The following TNFRSF11B variants were observed in gnomAD, a reference collection of about 807,000 sequenced individuals.
The protein encoded by TNFRSF11B is tumor necrosis factor receptor superfamily member 11B.
TNFRSF11B carries 16 observed loss-of-function variants against 43.4 expected under a neutral mutation model. The observed-to-expected ratio is 0.37, with a 90% CI of 0.25 to 0.56. TNFRSF11B has a LOEUF of 0.56. Ranked by LOEUF, TNFRSF11B falls within the 20% of genes least tolerant of loss-of-function variation. The probability of loss-of-function intolerance (pLI) is 0.80; values close to 1 mark genes in which losing one functional copy is unlikely to be tolerated. For synonymous variants in TNFRSF11B, 185 were observed against 181.8 expected (o/e 1.02, Z -0.14); for missense variants, 444 against 490.1 (o/e 0.91, Z 0.89).
chr8:118,945,437 A>G (rs967520551), intron 1 of TNFRSF11B, among the ~76,000 whole-genome samples: 1 of 152,200 alleles, frequency 6.6e-6, no homozygotes, highest in African/African-American at 2.4e-5. Flanking sequence ...GAACTTTGGA[A>G]CCTGGCTTTT....
Position 118,924,623 on chromosome 8 carries a change from G to T in TNFRSF11B, c.957C>A (p.Cys319Ter), listed in dbSNP as rs140297643. 6.2e-7 allele frequency: 1 copy of T among 1,614,008 alleles called. No individual in the cohort carries two copies. Among genetic ancestry groups the T allele is most frequent in the African/African-American group, 1.3e-5 (1 of 74,890 alleles). ...AEDIEKTIKA[C>*]KPSDQILKLL... Reference sequence around the variant, plus strand: ...GCTTCAGGATCTGGTCACTGGGTTTGCATGCCTTTATTGTTTTTTCAATGT... The same window carrying T: ...GCTTCAGGATCTGGTCACTGGGTTTTCATGCCTTTATTGTTTTTTCAATGT... Residue 319 changes from cysteine (C) to a stop codon, truncating the protein, a stop_gained, in exon 5 of 5, where the codon TGC (cysteine) becomes TGA (stop). Transcript: ENST00000297350. LOFTEE classifies it high-confidence loss of function.
At chr8:118,936,042 T>C (rs1344677608) in intron 1 of TNFRSF11B, among the ~76,000 whole-genome samples, 2 of 152,224 alleles carry the variant, frequency 1.3e-5, no homozygotes, top group Non-Finnish European at 2.9e-5. Flanking sequence ...AGAAGCCGTA[T>C]AAATACAGAT....
rs772004669 is a variant in TNFRSF11B at position 118,924,671 on chromosome 8, C to T, written c.909G>A (p.Pro303=). Residue 303 remains proline, a synonymous_variant, in exon 5 of 5, where the codon CCG becomes CCA. Transcript: ENST00000297350. The stretch of plus-strand genomic sequence containing the variant: ...TGTCTTCTGCTCCCACTTTCTTTCC[C>T]GGTAAGCTTTCCATCAAGCTACGAA... ...EQLRSLMESL[P]GKKVGAEDIE... is the part of the protein sequence containing the mutation. 38 of 1,614,002 alleles carry T rather than the reference C, an allele frequency of 2.4e-5. No individual in the cohort carries two copies. In the East Asian group the frequency reaches 7.8e-4, roughly 33 times the overall value.
chr8:118,931,745 T>A (rs1404842410), intron 2 of TNFRSF11B, among the ~76,000 whole-genome samples: 2 of 152,258 alleles, frequency 1.3e-5, no homozygotes, highest in Non-Finnish European at 2.9e-5. Context: ...GATTTTTGAA[T>A]GTTTCATTTG....
At chr8:118,933,721 T>C (rs1174407669) in intron 1 of TNFRSF11B, among the ~76,000 whole-genome samples, 1 of 152,186 alleles carries the variant, frequency 6.6e-6, no homozygotes, top group Non-Finnish European at 1.5e-5. Context: ...TTCATATCCT[T>C]AAGTATTCTT....
intron 2 of TNFRSF11B, 31 bp from the exon 3 acceptor site, chr8:118,928,960 T>G: frequency 6.2e-7 from 1 of 1,606,948 alleles, no homozygotes; most frequent in South Asian, 1.1e-5. Context: ...TTTAGTACCT[T>G]CTCCTCAAAT....
intron 2 of TNFRSF11B, among the ~76,000 whole-genome samples, chr8:118,932,661 TAA>T (rs5894464): frequency 1.2e-4 from 18 of 144,770 alleles, no homozygotes; most frequent in South Asian, 2.2e-4. Flanking sequence ...TTTGTTTCTT[TAA>T]AAAAAAAAAA....
At chr8:118,948,090 G>A (rs954631382) in intron 1 of TNFRSF11B, among the ~76,000 whole-genome samples, 1 of 152,160 alleles carries the variant, frequency 6.6e-6, no homozygotes, top group Non-Finnish European at 1.5e-5. Context: ...TATTGTAAAA[G>A]TGCATGAAAG....
chr8:118,928,707 C>T (rs773626964), intron 3 of TNFRSF11B, 31 bp downstream of exon 3: 31 of 1,607,506 alleles, frequency 1.9e-5, no homozygotes, highest in African/African-American at 1.5e-4. Flanking sequence ...ACTACAAAAT[C>T]GTACAAAGAC....
At chr8:118,951,242 C>A (rs1285316990) in intron 1 of TNFRSF11B, among the ~76,000 whole-genome samples, 2 of 152,120 alleles carry the variant, frequency 1.3e-5, no homozygotes, top group African/African-American at 4.8e-5. Flanking sequence ...TAAAACATTA[C>A]ACAGTTAAGA....
intron 1 of TNFRSF11B, among the ~76,000 whole-genome samples, chr8:118,941,229 A>G (rs3134057): frequency 0.42 from 64,530 of 152,016 alleles, 14,013 homozygotes; most frequent in Middle Eastern, 0.55. Context: ...AAAAGAGCAG[A>G]CAATTCATGG....
At chr8:118,929,263 T>C (rs1812292328) in intron 2 of TNFRSF11B, among the ~76,000 whole-genome samples, 2 of 152,244 alleles carry the variant, frequency 1.3e-5, no homozygotes, top group South Asian at 2.1e-4. Context: ...TTGTCAGCCA[T>C]ATTCTTCATA....
At chr8:118,946,185 AAAAC>A (rs763387818) in intron 1 of TNFRSF11B, among the ~76,000 whole-genome samples, 31 of 152,090 alleles carry the variant, frequency 2.0e-4, no homozygotes, top group Admixed American at 7.9e-4. Flanking sequence ...TGGGGTGAAA[AAAAC>A]TACTCAAGCA....
intron 1 of TNFRSF11B, among the ~76,000 whole-genome samples, chr8:118,942,337 C>T (rs575968595): frequency 6.7e-6 from 1 of 150,274 alleles, no homozygotes; most frequent in African/African-American, 2.5e-5. Flanking sequence ...GAAGATAATG[C>T]ATTGCTCACA....
chr8:118,947,350 A>G (rs1172274765), intron 1 of TNFRSF11B, among the ~76,000 whole-genome samples: 1 of 152,134 alleles, frequency 6.6e-6, no homozygotes, highest in Non-Finnish European at 1.5e-5. Context: ...CCTTTAACTC[A>G]GGAAACACAC....
chr8:118,942,048 T>C (rs1586959323), intron 1 of TNFRSF11B, among the ~76,000 whole-genome samples: 1 of 152,276 alleles, frequency 6.6e-6, no homozygotes. Flanking sequence ...AAGGATGTTT[T>C]TGTATGTTGA....
intron 1 of TNFRSF11B, among the ~76,000 whole-genome samples, chr8:118,941,956 G>C (rs2129914162): frequency 6.6e-6 from 1 of 152,164 alleles, no homozygotes; most frequent in African/African-American, 2.4e-5. Context: ...ATCTCATTCA[G>C]GCCCACCTGA....
intron 1 of TNFRSF11B, among the ~76,000 whole-genome samples, chr8:118,942,506 T>C (rs1230344148): frequency 1.3e-5 from 2 of 152,024 alleles, no homozygotes; most frequent in Admixed American, 1.3e-4. Context: ...AAGCTAAACC[T>C]GTAGATATTG....
chr8:118,939,944 C>T (rs375595042), intron 1 of TNFRSF11B, among the ~76,000 whole-genome samples: 1 of 152,084 alleles, frequency 6.6e-6, no homozygotes, highest in African/African-American at 2.4e-5. Flanking sequence ...AGAGATAGCA[C>T]AGATAATTTT....
Sources: gnomAD v4.1 joint callset for allele counts (sites outside exome capture counted in the v4.1 genomes callset) on GRCh38, gnomAD v4.1.1 for gene constraint, MANE v1.5 for transcripts, NCBI Gene and HGNC (gene_info 2026-07-23, HGNC 2026-07-21) for gene names.